FGF14: variants seen among roughly 807,000 people sequenced by gnomAD.
The protein encoded by FGF14 is fibroblast growth factor homologous factor 4.
In FGF14, 5 loss-of-function variants were observed where a neutral mutation model predicts 25.5. The observed-to-expected ratio is 0.20, with a 90% CI of 0.10 to 0.41. FGF14 has a LOEUF of 0.41. Among genes scored for constraint, FGF14 ranks in the 10% least tolerant of loss-of-function variants. The pLI, the probability that FGF14 is intolerant of heterozygous loss-of-function variation, is 1.00. For synonymous variants in FGF14, 138 were observed against 118.3 expected (o/e 1.17, Z -1.08); for missense variants, 222 against 320.1 (o/e 0.69, Z 2.34).
chr13:101,760,723 C>G (rs765385839), intron 3 of FGF14, among the ~76,000 whole-genome samples: 7 of 152,144 alleles, frequency 4.6e-5, no homozygotes, highest in Non-Finnish European at 1.0e-4. Flanking sequence ...TTCTTTAATT[C>G]CTTCCAGCCT....
chr13:102,080,766 C>T (rs750231072), intron 1 of FGF14, among the ~76,000 whole-genome samples: 39 of 152,204 alleles, frequency 2.6e-4, no homozygotes, highest in Non-Finnish European at 5.0e-4. Flanking sequence ...AAGAGTTCAT[C>T]ATGTTCTGTG....
intron 3 of FGF14, among the ~76,000 whole-genome samples, chr13:101,835,029 G>A (rs1345778709): frequency 1.3e-5 from 2 of 152,052 alleles, no homozygotes; most frequent in Non-Finnish European, 2.9e-5. Flanking sequence ...CTGGAAATAA[G>A]AGAAAGAATT....
At chr13:102,360,002 C>CA (rs894923167) in intron 1 of FGF14, among the ~76,000 whole-genome samples, 1 of 143,904 alleles carries the variant, frequency 6.9e-6, no homozygotes, top group Non-Finnish European at 1.5e-5. Context: ...TAATTTCAAC[C>CA]AAAAAACACG....
chr13:101,934,368 A>G (rs2034964382), intron 1 of FGF14, among the ~76,000 whole-genome samples: 2 of 152,218 alleles, frequency 1.3e-5, no homozygotes, highest in African/African-American at 2.4e-5. Context: ...GACACAAAAG[A>G]GCACAATCGT....
At chr13:101,766,388 A>C (rs1001375838) in intron 3 of FGF14, among the ~76,000 whole-genome samples, 1 of 152,150 alleles carries the variant, frequency 6.6e-6, no homozygotes. Context: ...AGAGACCTGA[A>C]TAAGTCAACT....
chr13:102,276,328 C>CAT (rs56117803), intron 1 of FGF14, among the ~76,000 whole-genome samples: 3 of 79,584 alleles, frequency 3.8e-5, no homozygotes, highest in Non-Finnish European at 7.1e-5. Flanking sequence ...CACACACACA[C>CAT]GTACGTGTGT....
chr13:101,723,580 T>G (rs747893883), intron 4 of FGF14, among the ~76,000 whole-genome samples: 37 of 152,112 alleles, frequency 2.4e-4, no homozygotes, highest in Non-Finnish European at 3.5e-4. Flanking sequence ...CCTACAATCA[T>G]GGAAAAAGAC....
intron 3 of FGF14, among the ~76,000 whole-genome samples, chr13:101,812,109 T>C (rs2041543279): frequency 6.6e-6 from 1 of 152,166 alleles, no homozygotes; most frequent in African/African-American, 2.4e-5. Flanking sequence ...TCTAAGTTCA[T>C]TCATCTATTA....
chr13:101,821,289 G>T lies in FGF14; in HGVS notation c.408+47436C>A, dbSNP rs59142877. Among the ~76,000 whole-genome samples the T allele has an allele frequency of 5.2e-3, 786 of 152,230 alleles. 7 individuals carry two copies. The highest frequency in any genetic ancestry group is 0.018 in the African/African-American group (750 of 41,544). On this transcript the variant is annotated intron_variant, in intron 3 of 4. Transcript: ENST00000376143. Reference sequence around the variant, plus strand: ...TAAAAATTTCACACATATTGATCGTGCAGCATTTATTCTTTTGTGTCTGGT... The same window carrying T: ...TAAAAATTTCACACATATTGATCGTTCAGCATTTATTCTTTTGTGTCTGGT...
chr13:102,309,863 C>G (rs892198040), intron 1 of FGF14, among the ~76,000 whole-genome samples: 8 of 152,218 alleles, frequency 5.3e-5, no homozygotes, highest in African/African-American at 1.9e-4. Context: ...TTTGCTTTAG[C>G]CTTTGAATCT....
rs896700620 is a variant in FGF14 at position 102,400,596 on chromosome 13, C to T, written c.208+875G>A. On this transcript the variant is annotated intron_variant, in intron 1 of 4. Coordinates refer to the FGF14 transcript ENST00000376131. The surrounding 1 kb of genome is among the most constrained non-coding windows in gnomAD (Gnocchi z 4.3). ...GGGGACGGGAACCCCTGGGATCCGACTCCCCAAATCAGATGCATTTGCATT... is the reference window on the plus strand; with the variant it reads ...GGGGACGGGAACCCCTGGGATCCGATTCCCCAAATCAGATGCATTTGCATT... 2.6e-5 allele frequency among the ~76,000 whole-genome samples: 4 copies of T among 152,200 alleles called. No homozygotes were observed. The highest frequency in any genetic ancestry group is 7.2e-5 in the African/African-American group (3 of 41,456).
intron 1 of FGF14, among the ~76,000 whole-genome samples, chr13:102,089,411 A>T (rs2044070346): frequency 6.6e-6 from 1 of 152,186 alleles, no homozygotes; most frequent in South Asian, 2.1e-4. Context: ...TTTCAGTAAG[A>T]TGGGCTTCCA....
chr13:101,928,783 C>A (rs545475090), intron 1 of FGF14, among the ~76,000 whole-genome samples: 11 of 152,120 alleles, frequency 7.2e-5, no homozygotes, highest in Non-Finnish European at 1.6e-4. Context: ...TCTCAGAAGG[C>A]CTTGGCTACA....
intron 1 of FGF14, among the ~76,000 whole-genome samples, chr13:102,052,583 A>C (rs2042261151): frequency 6.6e-6 from 1 of 152,074 alleles, no homozygotes; most frequent in Non-Finnish European, 1.5e-5. Context: ...GCAGCAGTGA[A>C]TTTTTCATCA....
At chr13:102,330,209 C>A (rs895717528) in intron 1 of FGF14, among the ~76,000 whole-genome samples, 4 of 152,150 alleles carry the variant, frequency 2.6e-5, no homozygotes, top group African/African-American at 9.7e-5. Context: ...TTTGCCTTCA[C>A]AATGAGAAAA....
intron 1 of FGF14, among the ~76,000 whole-genome samples, chr13:101,969,858 C>T (rs1329276139): frequency 6.6e-6 from 1 of 152,136 alleles, no homozygotes; most frequent in Non-Finnish European, 1.5e-5. Flanking sequence ...ACAAAACACC[C>T]CATATCTTGA....
At chr13:102,194,561 A>C (rs1426744024) in intron 1 of FGF14, among the ~76,000 whole-genome samples, 3 of 152,178 alleles carry the variant, frequency 2.0e-5, no homozygotes, top group African/African-American at 2.4e-5. Context: ...AGTCTGTGGA[A>C]TATAAAGAAA....
chr13:102,181,664 G>C (rs1481771662), intron 1 of FGF14, among the ~76,000 whole-genome samples: 2 of 152,108 alleles, frequency 1.3e-5, no homozygotes, highest in Non-Finnish European at 2.9e-5. Context: ...AAGTCTTTAT[G>C]GTTGGTCAGC....
chr13:102,252,728 G>A (rs369828322), intron 1 of FGF14, among the ~76,000 whole-genome samples: 1 of 151,616 alleles, frequency 6.6e-6, no homozygotes, highest in Non-Finnish European at 1.5e-5. Context: ...GTGCAGGTTT[G>A]TTACACAGGA....
Sources: allele counts gnomAD v4.1 joint callset (sites outside exome capture counted in the v4.1 genomes callset), GRCh38; gene constraint gnomAD v4.1.1; non-coding constraint Gnocchi (gnomAD v3.1); transcripts MANE v1.5; gene names NCBI Gene and HGNC (gene_info 2026-07-23, HGNC 2026-07-21).